Variants in ITCH observed in about 807,000 individuals in gnomAD.
ITCH encodes E3 ubiquitin-protein ligase Itchy homolog.
Under a neutral mutation model 126.8 loss-of-function variants are expected in ITCH, and 28 were observed. The ratio of observed to expected loss-of-function variants is 0.22; its 90% confidence interval spans 0.16 to 0.30. ITCH has a LOEUF of 0.30. Ranked by LOEUF, ITCH falls within the 10% of genes least tolerant of loss-of-function variation. ITCH has a pLI of 1.00. For synonymous variants in ITCH, 342 were observed against 340.0 expected (o/e 1.01, Z -0.06); for missense variants, 631 against 1,032.4 (o/e 0.61, Z 5.33).
chr20:34,464,451 C>G (rs1395932745), intron 14 of ITCH, among the ~76,000 whole-genome samples: 1 of 151,866 alleles, frequency 6.6e-6, no homozygotes, highest in Non-Finnish European at 1.5e-5. Context: ...TTCAGCCTCC[C>G]GAGTCGCTGG....
intron 10 of ITCH, among the ~76,000 whole-genome samples, chr20:34,444,732 C>G (rs1361898578): frequency 2.6e-5 from 4 of 152,216 alleles, no homozygotes; most frequent in Non-Finnish European, 5.9e-5. Flanking sequence ...GCCCCCACCT[C>G]ATAGGTTCAA....
chr20:34,485,692 C>T (rs1193477723), intron 20 of ITCH, among the ~76,000 whole-genome samples: 2 of 151,136 alleles, frequency 1.3e-5, no homozygotes, highest in African/African-American at 2.4e-5. Flanking sequence ...GTCTAGATTT[C>T]GTTCTTCTTT....
At chr20:34,450,168 A>G (rs975190869) in intron 12 of ITCH, among the ~76,000 whole-genome samples, 11 of 152,352 alleles carry the variant, frequency 7.2e-5, no homozygotes, top group Middle Eastern at 3.4e-3. Flanking sequence ...TAATGTACCA[A>G]TGCCACTTCT....
intron 14 of ITCH, among the ~76,000 whole-genome samples, chr20:34,466,579 A>C (rs1210517647): frequency 6.6e-6 from 1 of 152,186 alleles, no homozygotes; most frequent in Non-Finnish European, 1.5e-5. Flanking sequence ...AGTTACAATA[A>C]GTTTGGGTGC....
In ITCH at chr20:34,438,474, A is replaced by C; in HGVS notation, c.522A>C (p.Arg174Ser). ...TTCCTTTTCCCCTCTTCTTACCCAG[A>C]GTGAGCACAAATGGATCAGATGACC... is the stretch of plus-strand genomic sequence containing the variant. ...DDGSRSKDET[R>S]VSTNGSDDPE... Residue 174 changes from arginine (R) to serine (S), a missense_variant and splice_region_variant, in exon 8 of 25, where the codon AGA becomes AGC. Around this residue, in one of 4 missense-constraint regions of ITCH, gnomAD observed 220 missense variants for 265.7 expected, o/e 0.83. Transcript: ENST00000374864. The C allele has an allele frequency of 6.2e-7, 1 of 1,613,902 alleles. No individual in the cohort carries two copies. The highest frequency in any genetic ancestry group is 1.3e-5 in the African/African-American group (1 of 74,948).
At chr20:34,386,406 C>A (rs112310806) in intron 2 of ITCH, among the ~76,000 whole-genome samples, 4 of 152,118 alleles carry the variant, frequency 2.6e-5, no homozygotes, top group African/African-American at 9.6e-5. Flanking sequence ...ACAGAGTAGC[C>A]CTGTCCAAGG....
intron 16 of ITCH, among the ~76,000 whole-genome samples, chr20:34,471,895 A>G (rs1987667406): frequency 6.6e-6 from 1 of 152,168 alleles, no homozygotes; most frequent in Non-Finnish European, 1.5e-5. Context: ...CCATATGAAC[A>G]TTATCAGATT....
rs540098594 is a variant in ITCH, at chr20:34,385,021, T to A, written c.-21-8770T>A. Among the ~76,000 whole-genome samples, 17 of 144,916 alleles carry A rather than the reference T, an allele frequency of 1.2e-4. No individual in the cohort carries two copies. The East Asian group carries it at 2.0e-3, about 17-fold the overall frequency. On this transcript the variant is annotated intron_variant, in intron 2 of 24. Coordinates refer to ENST00000374864, the MANE Select transcript of ITCH (RefSeq NM_031483.7). ...TTAGAGATGGTCAGAAACAAGAAAA[T>A]TTTTTTTTTTTAAGACCGAGTCTCA...
intron 23 of ITCH, among the ~76,000 whole-genome samples, chr20:34,494,196 C>G (rs181115745): frequency 1.3e-5 from 2 of 152,170 alleles, no homozygotes; most frequent in African/African-American, 4.8e-5. Flanking sequence ...TGCCACTGCA[C>G]TCCAGCCTGG....
At chr20:34,492,885 A>G (rs1333499875) in intron 23 of ITCH, among the ~76,000 whole-genome samples, 1 of 152,364 alleles carries the variant, frequency 6.6e-6, no homozygotes, top group East Asian at 1.9e-4. Flanking sequence ...TTAAGAGTCA[A>G]TCACTATTGG....
intron 19 of ITCH, 22 bp downstream of exon 19, chr20:34,480,754 A>AT (rs1248847883): frequency 1.3e-6 from 2 of 1,546,510 alleles, no homozygotes; most frequent in East Asian, 2.3e-5. Context: ...TTTCCATGTA[A>AT]TTTATTAAAA....
chr20:34,405,375 C>T (rs1293356318), intron 3 of ITCH, among the ~76,000 whole-genome samples: 2 of 152,174 alleles, frequency 1.3e-5, no homozygotes, highest in Non-Finnish European at 2.9e-5. Flanking sequence ...TGTGGCGGCG[C>T]GTGCCTATAA....
chr20:34,424,374 A>C, intron 6 of ITCH, 106 bp from the exon 7 acceptor site: 1 of 846,394 alleles, frequency 1.2e-6, no homozygotes, highest in South Asian at 1.4e-5. Flanking sequence ...GTTCTTTATT[A>C]CAAAGATTTA....
At chr20:34,428,603 A>T (rs1212843012) in intron 7 of ITCH, among the ~76,000 whole-genome samples, 1 of 152,236 alleles carries the variant, frequency 6.6e-6, no homozygotes, top group African/African-American at 2.4e-5. Context: ...TATATTTTAA[A>T]GACAGGCTCT....
intron 20 of ITCH, among the ~76,000 whole-genome samples, chr20:34,486,472 C>A (rs1189476384): frequency 6.6e-6 from 1 of 151,418 alleles, no homozygotes; most frequent in Non-Finnish European, 1.5e-5. Flanking sequence ...ATTATAGGCA[C>A]CCGCCACCAC....
At chr20:34,370,441 A>G (rs995056402) in intron 2 of ITCH, among the ~76,000 whole-genome samples, 4 of 152,230 alleles carry the variant, frequency 2.6e-5, no homozygotes, top group African/African-American at 4.8e-5. Context: ...AGGTGGGCGG[A>G]TCACTTGAGG....
At chr20:34,461,881 G>T (rs973551865) in intron 13 of ITCH, among the ~76,000 whole-genome samples, 2 of 152,164 alleles carry the variant, frequency 1.3e-5, no homozygotes, top group Admixed American at 6.6e-5. Flanking sequence ...AAGCCAAGTA[G>T]ACGGCAGAAG....
intron 2 of ITCH, among the ~76,000 whole-genome samples, chr20:34,389,428 C>T (rs190340105): frequency 1.3e-5 from 2 of 152,234 alleles, no homozygotes; most frequent in African/African-American, 4.8e-5. Flanking sequence ...TGATGCCATG[C>T]TCTCTGTGTG....
chr20:34,450,843 C>T (rs189306147), intron 12 of ITCH: 155 of 152,260 alleles, frequency 1.0e-3, no homozygotes, highest in African/African-American at 3.6e-3. Flanking sequence ...ATAAATGCTA[C>T]TGGGGGTATA....
Sources: allele counts gnomAD v4.1 joint callset (sites outside exome capture counted in the v4.1 genomes callset), GRCh38; gene constraint gnomAD v4.1.1; regional missense constraint gnomAD v4.1.1; transcripts MANE v1.5; gene names NCBI Gene and HGNC (gene_info 2026-07-23, HGNC 2026-07-21).